Variants in TP53BP1 observed in about 807,000 individuals in gnomAD.
TP53BP1 encodes the protein tumor protein p53 binding protein 1, also known as TP53-binding protein 1.
In TP53BP1, 61 loss-of-function variants were observed where a neutral mutation model predicts 200.8. That is an observed-to-expected ratio of 0.30 (90% CI 0.25 to 0.38). The LOEUF (loss-of-function observed/expected upper bound fraction) is 0.38. TP53BP1 is among the 10% of genes least tolerant of loss of function. TP53BP1 has a pLI of 1.00. For missense variants in TP53BP1, 2,144 were observed against 2,371.9 expected (o/e 0.90, Z 2.00); for synonymous variants, 822 against 844.3 (o/e 0.97, Z 0.46).
upstream of TP53BP1, among the ~76,000 whole-genome samples, chr15:43,496,286 G>C (rs2079182136): frequency 6.6e-6 from 1 of 151,918 alleles, no homozygotes; most frequent in Non-Finnish European, 1.5e-5. Context: ...CTCTCATATT[G>C]TCTTTAACTG....
chr15:43,501,386 C>A (rs963150672), intron 1 of TP53BP1, among the ~76,000 whole-genome samples: 1 of 151,684 alleles, frequency 6.6e-6, no homozygotes, highest in Non-Finnish European at 1.5e-5. Flanking sequence ...GCTAATTTTT[C>A]TTTCTTTTGT....
rs773089158 is a variant in TP53BP1 at position 43,469,926 on chromosome 15, T to C, written c.1321A>G (p.Ile441Val). ...GGGAAGACTGGTGTGCTCTGAGATA[T>C]TGGTGTTGAGGCTTGTGGTGATACA... Reference protein sequence around the residue: ...STVSPQASTPISQSTPVFPPG... With the variant: ...STVSPQASTPVSQSTPVFPPG... Residue 441 changes from isoleucine (I) to valine (V), a missense_variant, in exon 11 of 28, where the codon ATA becomes GTA. Coordinates refer to ENST00000382044, the MANE Select transcript of TP53BP1 (RefSeq NM_001141980.3). The C allele has an allele frequency of 6.2e-6, 10 of 1,614,042 alleles. No homozygotes were observed. Among genetic ancestry groups the C allele is most frequent in the South Asian group, 5.5e-5 (5 of 91,074 alleles).
chr15:43,447,488 GAAAAA>G lies in TP53BP1; in HGVS notation c.2717-8_2717-4del. 20 of 954,100 alleles carry G rather than the reference GAAAAA, an allele frequency of 2.1e-5. No homozygotes were observed. Among genetic ancestry groups the G allele is most frequent in the Admixed American group, 4.5e-5 (1 of 22,192 alleles). 59.1% of individuals were successfully genotyped at this position (954,100 alleles called of 1,614,324 possible). ...CAAAGTGAAATGAAATGGGGTTTCTGAAAAAAAAAAAAAAAAGAAAAAAGAAAGAA... is the reference window on the plus strand; with the variant it reads ...CAAAGTGAAATGAAATGGGGTTTCTGAAAAAAAAAAAGAAAAAAGAAAGAA... On this transcript the variant is annotated splice_region_variant and splice_polypyrimidine_tract_variant and intron_variant, in intron 12 of 27. Coordinates refer to ENST00000382044, the MANE Select transcript of TP53BP1 (RefSeq NM_001141980.3).
intron 18 of TP53BP1, among the ~76,000 whole-genome samples, chr15:43,424,662 A>G (rs1453629419): frequency 3.9e-5 from 6 of 152,248 alleles, no homozygotes; most frequent in Admixed American, 3.9e-4. Flanking sequence ...AAAAATGCTA[A>G]TGGTCATGTA....
intron 21 of TP53BP1, 185 bp from the exon 22 acceptor site, chr15:43,416,601 C>T (rs903473186): frequency 5.1e-5 from 25 of 491,586 alleles, no homozygotes; most frequent in Non-Finnish European, 2.5e-5. Flanking sequence ...TATGTAGCTA[C>T]TACACTGGGA....
intron 8 of TP53BP1, among the ~76,000 whole-genome samples, chr15:43,477,312 A>AT (rs919960889): frequency 2.4e-4 from 37 of 151,956 alleles, no homozygotes; most frequent in African/African-American, 8.9e-4. Flanking sequence ...AAAAAAAAAA[A>AT]AGAAAAAAAG....
At position 43,457,079 on chromosome 15, in the gene TP53BP1, C is replaced by T. The variant is rs755210714; in HGVS notation, c.1529G>A (p.Gly510Glu). ...IEPKNSPEDL[G>E]LSLTGDSCKL... is the part of the protein sequence containing the mutation. The stretch of plus-strand genomic sequence containing the variant: ...GCAAGAATCCCCTGTCAAAGATAGC[C>T]CAAGATCCTCAGGGGAATTCTTTGG... Residue 510 changes from glycine (G) to glutamate (E), a missense_variant, in exon 12 of 28, where the codon GGG becomes GAG. Coordinates refer to ENST00000382044, the MANE Select transcript of TP53BP1 (RefSeq NM_001141980.3). 7 of 1,614,152 alleles carry T rather than the reference C, an allele frequency of 4.3e-6. No homozygotes were observed. The highest frequency in any genetic ancestry group is 5.9e-6 in the Non-Finnish European group (7 of 1,180,020).
intron 1 of TP53BP1, among the ~76,000 whole-genome samples, chr15:43,505,765 G>A (rs2079232649): frequency 6.6e-6 from 1 of 152,162 alleles, no homozygotes; most frequent in African/African-American, 2.4e-5. Context: ...CTTTTTAAAG[G>A]TTATTTTACT....
intron 4 of TP53BP1, among the ~76,000 whole-genome samples, chr15:43,486,735 C>A (rs551188961): frequency 2.0e-5 from 3 of 152,222 alleles, no homozygotes; most frequent in Admixed American, 1.3e-4. Flanking sequence ...GCGATCCTCC[C>A]ACCTCAGCCT....
upstream of TP53BP1, among the ~76,000 whole-genome samples, chr15:43,493,450 CCTG>C (rs968904783): frequency 6.6e-6 from 1 of 152,136 alleles, no homozygotes; most frequent in African/African-American, 2.4e-5. Flanking sequence ...AGTACCTCTA[CCTG>C]CTTTTTCTCG....
intron 4 of TP53BP1, among the ~76,000 whole-genome samples, chr15:43,481,460 T>TACACACACACACACACAC (rs61433356): frequency 7.0e-6 from 1 of 143,714 alleles, no homozygotes; most frequent in Non-Finnish European, 1.5e-5. Context: ...TGTATATAAA[T>TACACACACACACACACAC]ACACACACAC....
chr15:43,446,340 C>A (rs1223642224), intron 14 of TP53BP1, 47 bp downstream of exon 14: 1 of 1,397,686 alleles, frequency 7.2e-7, no homozygotes, highest in South Asian at 1.2e-5. Flanking sequence ...CAATACTCCC[C>A]AGATAATCTG....
At chr15:43,426,301 A>G (rs2045529399) in intron 18 of TP53BP1, among the ~76,000 whole-genome samples, 1 of 150,422 alleles carries the variant, frequency 6.6e-6, no homozygotes, top group African/African-American at 2.4e-5. Context: ...TTAGCTGGGC[A>G]TGGTGGCACA....
chr15:43,405,289 T>G lies in TP53BP1; in HGVS notation c.*2094A>C. The G allele has an allele frequency of 6.6e-7, 1 of 1,522,932 alleles. No individual in the cohort carries two copies. Among genetic ancestry groups the G allele is most frequent in the Non-Finnish European group, 9.1e-7 (1 of 1,098,034 alleles). The allele number at this position is 1,522,932 out of a possible 1,614,324, so 94.3% of individuals were successfully genotyped here. A position where few individuals can be genotyped will look rare whatever the true frequency, so the allele number is the denominator to read the frequency against. On this transcript the variant is annotated 3_prime_UTR_variant, in exon 28 of 28. Coordinates refer to ENST00000382044, the MANE Select transcript of TP53BP1 (RefSeq NM_001141980.3). ...ACAGAAGATTCAAAACATCCCATTC[T>G]AGCCACACACAAATAAATATCTGCG...
At chr15:43,482,564 C>T (rs1247144610) in intron 4 of TP53BP1, among the ~76,000 whole-genome samples, 5 of 152,088 alleles carry the variant, frequency 3.3e-5, no homozygotes, top group South Asian at 4.1e-4. Flanking sequence ...GTCAGGAGAT[C>T]GAGACCATCC....
intron 12 of TP53BP1, among the ~76,000 whole-genome samples, chr15:43,450,976 G>C (rs748814361): frequency 4.7e-4 from 71 of 152,164 alleles, no homozygotes; most frequent in Non-Finnish European, 7.5e-4. Context: ...CCGAGTTCAA[G>C]TGATTCTCAA....
chr15:43,434,855 C>T (rs2045754328), intron 16 of TP53BP1, among the ~76,000 whole-genome samples: 1 of 152,222 alleles, frequency 6.6e-6, no homozygotes, highest in Non-Finnish European at 1.5e-5. Context: ...TTTACTTCTA[C>T]AGCAATCCAA....
At chr15:43,507,289 C>G (rs1406406834) in intron 1 of TP53BP1, among the ~76,000 whole-genome samples, 3 of 152,176 alleles carry the variant, frequency 2.0e-5, no homozygotes, top group Non-Finnish European at 4.4e-5. Flanking sequence ...CACCCACCAA[C>G]ACGCCCAGCT....
chr15:43,480,746 A>AT, intron 5 of TP53BP1, 149 bp downstream of exon 5: 1 of 934,046 alleles, frequency 1.1e-6, no homozygotes, highest in Non-Finnish European at 1.6e-6. Flanking sequence ...CAGGTGGAAC[A>AT]TTTTAAATTA....
Sources: allele counts gnomAD v4.1 joint callset (sites outside exome capture counted in the v4.1 genomes callset), GRCh38; gene constraint gnomAD v4.1.1; transcripts MANE v1.5; gene names NCBI Gene and HGNC (gene_info 2026-07-23, HGNC 2026-07-21).